AGBL4: variants seen among roughly 807,000 people sequenced by gnomAD.
AGBL4 encodes AGBL carboxypeptidase 4, also known as cytosolic carboxypeptidase 6.
In AGBL4, 58 loss-of-function variants were observed where a neutral mutation model predicts 66.4. The observed-to-expected ratio is 0.87, with a 90% CI of 0.71 to 1.09. The LOEUF (loss-of-function observed/expected upper bound fraction) is 1.09, where lower values mean the gene tolerates loss of function less well. AGBL4 is among the 50% of genes least tolerant of loss of function. The probability of loss-of-function intolerance (pLI) is 0.00; values close to 1 mark genes in which losing one functional copy is unlikely to be tolerated. For synonymous variants in AGBL4, 234 were observed against 222.9 expected, an observed-to-expected ratio of 1.05 and a Z score of -0.44; for missense variants, 579 against 631.0, an observed-to-expected ratio of 0.92 and a Z score of 0.88.
At chr1:49,927,351 A>C (rs1652879923) in intron 1 of AGBL4, among the ~76,000 whole-genome samples, 1 of 152,208 alleles carries the variant, frequency 6.6e-6, no homozygotes, top group Non-Finnish European at 1.5e-5. Flanking sequence ...ATGGACTCAA[A>C]GTTCCACATG....
intron 6 of AGBL4, among the ~76,000 whole-genome samples, chr1:48,769,805 G>C (rs1644721999): frequency 6.6e-6 from 1 of 152,138 alleles, no homozygotes; most frequent in African/African-American, 2.4e-5. Flanking sequence ...CCATGCTATA[G>C]ATGAGCACCT....
intron 6 of AGBL4, among the ~76,000 whole-genome samples, chr1:48,718,773 A>C (rs745639502): frequency 6.6e-6 from 1 of 152,064 alleles, no homozygotes; most frequent in African/African-American, 2.4e-5. Context: ...ATTATAATTG[A>C]GCCTGTATAA....
chr1:49,971,907 G>GTTTTTTATTTT (rs1658132201), intron 1 of AGBL4, among the ~76,000 whole-genome samples: 2 of 23,428 alleles, frequency 8.5e-5, no homozygotes, highest in East Asian at 2.8e-3. Context: ...GTTTTTTTGG[G>GTTTTTTATTTT]TTTTTTTTTT....
At chr1:50,007,894 CAA>C (rs1257547807) in intron 1 of AGBL4, among the ~76,000 whole-genome samples, 1 of 151,928 alleles carries the variant, frequency 6.6e-6, no homozygotes, top group Non-Finnish European at 1.5e-5. Context: ...TTGTATCACA[CAA>C]AAGAAATTCC....
At chr1:49,160,092 G>A (rs1026679296) in intron 4 of AGBL4, among the ~76,000 whole-genome samples, 3 of 152,150 alleles carry the variant, frequency 2.0e-5, no homozygotes, top group African/African-American at 7.2e-5. Context: ...TCTCCATCCA[G>A]TTTTGTTCCC....
At chr1:49,842,309 C>G in intron 2 of AGBL4, 1 of 499,470 alleles carries the variant, frequency 2.0e-6, no homozygotes, top group Admixed American at 2.6e-5. Context: ...GTTACCAAAG[C>G]CAAACATCAC....
At chr1:48,531,222 T>G (rs916252872), downstream of AGBL4, among the ~76,000 whole-genome samples, 1 of 151,822 alleles carries the variant, frequency 6.6e-6, no homozygotes, top group Non-Finnish European at 1.5e-5. Flanking sequence ...TCTCTCTCTC[T>G]CTCAAGGAAT....
chr1:49,596,838 A>T (rs1474914089), intron 3 of AGBL4, among the ~76,000 whole-genome samples: 2 of 152,188 alleles, frequency 1.3e-5, no homozygotes, highest in Non-Finnish European at 2.9e-5. Context: ...AACCTTAAAA[A>T]TGCTCATGCT....
At chr1:49,373,008 G>A (rs982713840) in intron 3 of AGBL4, among the ~76,000 whole-genome samples, 1 of 151,880 alleles carries the variant, frequency 6.6e-6, no homozygotes. Context: ...ATCCTCCTGG[G>A]TCACCTTCCC....
intron 3 of AGBL4, among the ~76,000 whole-genome samples, chr1:49,461,759 G>C (rs1024366939): frequency 4.0e-5 from 6 of 151,420 alleles, no homozygotes; most frequent in East Asian, 2.0e-4. Flanking sequence ...TGAGAAGGAT[G>C]GTTTCCAGTT....
chr1:48,545,277 A>C (rs972196245), intron 11 of AGBL4, among the ~76,000 whole-genome samples: 45 of 152,256 alleles, frequency 3.0e-4, no homozygotes, highest in African/African-American at 1.0e-3. Context: ...GGATCTGTTT[A>C]AAAGCCAGTG....
At chr1:49,476,928 T>G (rs1570811879) in intron 3 of AGBL4, among the ~76,000 whole-genome samples, 1 of 151,990 alleles carries the variant, frequency 6.6e-6, no homozygotes, top group Admixed American at 6.6e-5. Context: ...AGCCTGGCAG[T>G]AAGTACTCCC....
chr1:48,682,451 C>T (rs1363451701), intron 6 of AGBL4, among the ~76,000 whole-genome samples: 1 of 151,676 alleles, frequency 6.6e-6, no homozygotes, highest in Non-Finnish European at 1.5e-5. Context: ...CTCTGTCACC[C>T]AGGCTAGAGT....
chr1:48,559,943 G>A (rs1269934936), intron 11 of AGBL4, among the ~76,000 whole-genome samples: 1 of 152,068 alleles, frequency 6.6e-6, no homozygotes, highest in Admixed American at 6.6e-5. Flanking sequence ...AACTATTGAT[G>A]GAGCCTGTGT....
chr1:48,799,804 C>T (rs1374937057), intron 6 of AGBL4, among the ~76,000 whole-genome samples: 2 of 152,046 alleles, frequency 1.3e-5, no homozygotes, highest in African/African-American at 4.8e-5. Flanking sequence ...TCACATTTAT[C>T]GACTTGCATA....
chr1:48,879,756 C>T (rs890087268), intron 5 of AGBL4, among the ~76,000 whole-genome samples: 1 of 152,028 alleles, frequency 6.6e-6, no homozygotes, highest in African/African-American at 2.4e-5. Context: ...GAAACTGAAG[C>T]TCAAAGAAGT....
intron 2 of AGBL4, among the ~76,000 whole-genome samples, chr1:49,823,864 C>T (rs1035459704): frequency 2.0e-5 from 3 of 148,852 alleles, no homozygotes; most frequent in Non-Finnish European, 3.0e-5. Flanking sequence ...ATTTTCTTGG[C>T]GATATAAAGA....
At chr1:48,551,416 C>T (rs1207556175) in intron 11 of AGBL4, among the ~76,000 whole-genome samples, 1 of 152,154 alleles carries the variant, frequency 6.6e-6, no homozygotes, top group East Asian at 1.9e-4. Flanking sequence ...TGCTGGTATG[C>T]AGTAGCTTTT....
chr1:48,564,038 G>T (rs1644436935), intron 11 of AGBL4, among the ~76,000 whole-genome samples: 1 of 152,106 alleles, frequency 6.6e-6, no homozygotes, highest in East Asian at 1.9e-4. Context: ...AGCCAGGGGG[G>T]TATTGTTTTC....
Sources: gnomAD v4.1 joint callset for allele counts (sites outside exome capture counted in the v4.1 genomes callset) on GRCh38, gnomAD v4.1.1 for gene constraint, MANE v1.5 for transcripts, NCBI Gene and HGNC (gene_info 2026-07-23, HGNC 2026-07-21) for gene names.